The following PRIM2 variants were observed in gnomAD, a reference collection of about 807,000 sequenced individuals.
PRIM2 encodes the protein DNA primase subunit 2.
A neutral mutation model predicts 67.3 loss-of-function variants in PRIM2; 39 were observed. That is an observed-to-expected ratio of 0.58 (90% CI 0.45 to 0.76). The LOEUF (loss-of-function observed/expected upper bound fraction) is 0.76, where lower values mean the gene tolerates loss of function less well. Ranked by LOEUF, PRIM2 falls within the 30% of genes least tolerant of loss-of-function variation. The probability of loss-of-function intolerance (pLI) is 0.00; values close to 1 mark genes in which losing one functional copy is unlikely to be tolerated. For missense variants in PRIM2, 398 were observed against 598.7 expected (o/e 0.66, Z 3.50); for synonymous variants, 143 against 198.7 (o/e 0.72, Z 2.36).
At chr6:57,640,082 T>C (rs1777202513) in intron 13 of PRIM2, among the ~76,000 whole-genome samples, 1 of 152,180 alleles carries the variant, frequency 6.6e-6, no homozygotes, top group Non-Finnish European at 1.5e-5. Flanking sequence ...TGGTTCAACA[T>C]ATGCAAATCA....
At chr6:57,499,133 G>T (rs1464547561) in intron 7 of PRIM2, among the ~76,000 whole-genome samples, 10 of 152,180 alleles carry the variant, frequency 6.6e-5, no homozygotes, top group Non-Finnish European at 1.3e-4. Context: ...AGTTATAGGA[G>T]CTACTGGTTA....
the PRIM2 span, among the ~76,000 whole-genome samples, chr6:57,240,090 T>C: frequency 3.2e-5 from 3 of 94,430 alleles, no homozygotes; most frequent in African/African-American, 1.2e-4. Context: ...ATCAATAATC[T>C]GTTTTTTTTT....
chr6:57,437,662 CTTTTTTTTTT>C (rs11315818), intron 7 of PRIM2, among the ~76,000 whole-genome samples: 4 of 128,366 alleles, frequency 3.1e-5, no homozygotes, highest in African/African-American at 1.2e-4. Context: ...GGAAGGATTC[CTTTTTTTTTT>C]TTTTTTTTTT....
the PRIM2 span, among the ~76,000 whole-genome samples, chr6:57,235,823 G>A: frequency 3.9e-5 from 6 of 152,294 alleles, no homozygotes; most frequent in South Asian, 1.2e-3. Flanking sequence ...AGAAAGAGGG[G>A]TGGAGAAGAG....
chr6:57,257,374 C>A, the PRIM2 span, among the ~76,000 whole-genome samples: 1 of 151,178 alleles, frequency 6.6e-6, no homozygotes, highest in South Asian at 2.1e-4. Context: ...TGGATTCAAG[C>A]GATTCTCCTG....
At chr6:57,314,791 A>G (rs1367207427), upstream of PRIM2, 2 of 152,240 alleles carry the variant, frequency 1.3e-5, no homozygotes, top group African/African-American at 4.8e-5. Flanking sequence ...TGAATACATG[A>G]AAGAGCTCAC....
chr6:57,446,433 T>TTTTTTTTTTTTTTTTTTTA (rs1772369420), intron 7 of PRIM2, among the ~76,000 whole-genome samples: 2 of 143,320 alleles, frequency 1.4e-5, no homozygotes, highest in African/African-American at 5.2e-5. Flanking sequence ...TTTTTTTTTT[T>TTTTTTTTTTTTTTTTTTTA]GAGACAGTCT....
intron 10 of PRIM2, among the ~76,000 whole-genome samples, chr6:57,591,142 T>A (rs1304074670): frequency 4.9e-4 from 74 of 152,360 alleles, no homozygotes; most frequent in African/African-American, 1.8e-3. Context: ...TTTGGATCTA[T>A]AGGTGACTGA....
At chr6:57,296,025 A>T in the PRIM2 span, among the ~76,000 whole-genome samples, 1 of 152,194 alleles carries the variant, frequency 6.6e-6, no homozygotes, top group Non-Finnish European at 1.5e-5. Flanking sequence ...CAATAAATAA[A>T]ACCAACAGGA....
chr6:57,417,646 C>T (rs1459388531), intron 7 of PRIM2, among the ~76,000 whole-genome samples: 8 of 152,170 alleles, frequency 5.3e-5, no homozygotes, highest in Non-Finnish European at 4.4e-5. Context: ...GTTGATGGTG[C>T]CCCAAAACAA....
At chr6:57,616,170 CA>C (rs1776753141) in intron 12 of PRIM2, among the ~76,000 whole-genome samples, 1 of 152,162 alleles carries the variant, frequency 6.6e-6, no homozygotes, top group African/African-American at 2.4e-5. Context: ...GGAAATAGAA[CA>C]ATTTGAAGCC....
At chr6:57,413,774 A>G (rs1358806914) in intron 7 of PRIM2, among the ~76,000 whole-genome samples, 28 of 152,128 alleles carry the variant, frequency 1.8e-4, no homozygotes, top group Non-Finnish European at 2.2e-4. Context: ...AAATATTCCA[A>G]TATATTAATA....
chr6:57,284,994 C>A, the PRIM2 span, among the ~76,000 whole-genome samples: 1 of 151,966 alleles, frequency 6.6e-6, no homozygotes, highest in Non-Finnish European at 1.5e-5. Flanking sequence ...ACTATAAACA[C>A]CTCTATGCAA....
intron 7 of PRIM2, among the ~76,000 whole-genome samples, chr6:57,494,889 A>G (rs1554346237): frequency 7.4e-4 from 113 of 152,338 alleles, no homozygotes; most frequent in African/African-American, 2.6e-3. Flanking sequence ...GAAAATTCCA[A>G]TTGACATAAA....
chr6:57,622,635 T>C (rs1279153283), intron 12 of PRIM2, among the ~76,000 whole-genome samples: 8 of 152,240 alleles, frequency 5.3e-5, no homozygotes, highest in African/African-American at 1.7e-4. Flanking sequence ...GAAGGAAATG[T>C]GTTTTAGAAT....
chr6:57,418,386 T>G (rs1252349762), intron 7 of PRIM2, among the ~76,000 whole-genome samples: 990 of 54,054 alleles, frequency 0.018, 124 homozygotes, highest in African/African-American at 0.041. Flanking sequence ...GTGTGTGGTT[T>G]TTTTTTTTTT....
chr6:57,465,323 G>A (rs1197365246), intron 7 of PRIM2, among the ~76,000 whole-genome samples: 4 of 152,168 alleles, frequency 2.6e-5, no homozygotes, highest in East Asian at 1.9e-4. Flanking sequence ...AGAAGCTAGT[G>A]ACACAAAGAA....
chr6:57,344,997 T>G (rs1306868409), intron 5 of PRIM2, among the ~76,000 whole-genome samples: 1 of 151,690 alleles, frequency 6.6e-6, no homozygotes, highest in Non-Finnish European at 1.5e-5. Flanking sequence ...AGTTTTCATA[T>G]AGCTTTTGAA....
intron 7 of PRIM2, among the ~76,000 whole-genome samples, chr6:57,498,459 CTT>C (rs1171409497): frequency 1.0e-3 from 155 of 152,230 alleles, no homozygotes; most frequent in African/African-American, 3.7e-3. Flanking sequence ...ATATTTATCT[CTT>C]TGTCATTTGT....
Sources: gnomAD v4.1 joint callset for allele counts (sites outside exome capture counted in the v4.1 genomes callset) on GRCh38, gnomAD v4.1.1 for gene constraint, MANE v1.5 for transcripts, NCBI Gene and HGNC (gene_info 2026-07-23, HGNC 2026-07-21) for gene names.